TXN2: variants seen among roughly 807,000 people sequenced by gnomAD.
TXN2 encodes thioredoxin 2, also known as thioredoxin, mitochondrial.
TXN2 carries 12 observed loss-of-function variants against 14.6 expected under a neutral mutation model. That is an observed-to-expected ratio of 0.82 (90% CI 0.53 to 1.33). The LOEUF (loss-of-function observed/expected upper bound fraction) is 1.33. Ranked by LOEUF, TXN2 falls within the 40% of genes most tolerant of loss-of-function variation. The pLI is 0.00. For missense variants in TXN2, 173 were observed against 207.7 expected (o/e 0.83, Z 1.03); for synonymous variants, 89 against 81.0 (o/e 1.10, Z -0.53).
rs1933239105 is a variant in TXN2 at position 36,469,942 on chromosome 22, C to A, written c.388-2025G>T. ...TTGCATTCCAGCCTGGGCGACAGAG[C>A]AAGACTCTGTTCCCCCCCTCAAAAT... On this transcript the variant is annotated intron_variant, in intron 3 of 3. Coordinates refer to ENST00000216185, the MANE Select transcript of TXN2 (RefSeq NM_012473.4). Among the ~76,000 whole-genome samples, 3 of 152,216 alleles carry A rather than the reference C, an allele frequency of 2.0e-5. No individual in the cohort carries two copies. The South Asian group carries it at 6.2e-4, about 32-fold the overall frequency.
intron 3 of TXN2, among the ~76,000 whole-genome samples, chr22:36,474,588 T>C (rs911606023): frequency 6.6e-6 from 1 of 152,192 alleles, no homozygotes; most frequent in African/African-American, 2.4e-5. Context: ...GGTTAAGATA[T>C]TTCAAGAAAA....
At chr22:36,478,886 G>A (rs892854442) in intron 2 of TXN2, among the ~76,000 whole-genome samples, 2 of 152,146 alleles carry the variant, frequency 1.3e-5, no homozygotes, top group Admixed American at 6.6e-5. Context: ...CTCGGGAGGT[G>A]GAGGTTGCAG....
chr22:36,479,150 A>C (rs1339040006), intron 2 of TXN2, among the ~76,000 whole-genome samples: 2 of 152,084 alleles, frequency 1.3e-5, no homozygotes, highest in Non-Finnish European at 2.9e-5. Flanking sequence ...AAGAAAAACA[A>C]AAACAACTCA....
intron 3 of TXN2, among the ~76,000 whole-genome samples, chr22:36,470,753 T>C (rs1223523445): frequency 3.5e-5 from 5 of 143,596 alleles, no homozygotes; most frequent in Non-Finnish European, 6.0e-5. Context: ...CTGGGCAACA[T>C]AGCAAGACGT....
rs1933481447 is a variant in TXN2 at position 36,480,677 on chromosome 22, G to A, written c.161C>T (p.Thr54Ile). The change falls in exon 2 of 4, where the codon ACC (threonine) becomes ATC (isoleucine). Residue 54 changes from threonine (T) to isoleucine (I), a missense_variant. Thr to Ile is a moderately conservative substitution (Grantham distance 89). Coordinates refer to ENST00000216185, the MANE Select transcript of TXN2 (RefSeq NM_012473.4). ...VTPNPARTIY[T>I]TRISLTTFNI... ...AAAGGTTGTCAAGGAGATCCTCGTGGTGTATATTGTCCGGGCTGGGTTGGG... is the reference window on the plus strand; with the variant it reads ...AAAGGTTGTCAAGGAGATCCTCGTGATGTATATTGTCCGGGCTGGGTTGGG... 2.5e-6 allele frequency: 4 copies of A among 1,614,070 alleles called. No individual in the cohort carries two copies. The highest frequency in any genetic ancestry group is 3.4e-6 in the Non-Finnish European group (4 of 1,180,056).
chr22:36,474,284 G>A (rs1271389015), intron 3 of TXN2, among the ~76,000 whole-genome samples: 4 of 152,152 alleles, frequency 2.6e-5, no homozygotes, highest in Non-Finnish European at 5.9e-5. Context: ...TGGCCACCGT[G>A]TTTGTCTGCC....
In TXN2 at chr22:36,467,617, G is replaced by A; in HGVS notation, c.*187C>T. ...GACAGCGGTCCCCGGATCAGCAGCA[G>A]CACCACCATCCTCTGATGGCCCCTG... On this transcript the variant is annotated 3_prime_UTR_variant, in exon 4 of 4. Transcript: ENST00000216185. 2 of 589,450 alleles carry A rather than the reference G, an allele frequency of 3.4e-6. No homozygotes were observed. The highest frequency in any genetic ancestry group is 3.9e-5 in the South Asian group (2 of 51,682). The allele number at this position is 589,450 out of a possible 1,614,324, so 36.5% of individuals were successfully genotyped here.
At chr22:36,480,935 G>A in intron 1 of TXN2, 98 bp from the exon 2 acceptor site, 1 of 1,323,670 alleles carries the variant, frequency 7.6e-7, no homozygotes, top group Non-Finnish European at 1.0e-6. Flanking sequence ...AAGAGGCAGA[G>A]TTGGAAGCAA....
At chr22:36,475,043 A>G (rs1277512955) in intron 3 of TXN2, among the ~76,000 whole-genome samples, 5 of 152,072 alleles carry the variant, frequency 3.3e-5, no homozygotes, top group East Asian at 1.9e-4. Context: ...TTTTTGCCCA[A>G]AGGTCAGCTT....
intron 3 of TXN2, among the ~76,000 whole-genome samples, chr22:36,475,533 T>C (rs1413604257): frequency 1.3e-5 from 2 of 152,246 alleles, no homozygotes; most frequent in Non-Finnish European, 2.9e-5. Context: ...TAAAGTTTTA[T>C]TGTAACACAG....
Position 36,480,573 on chromosome 22 carries a change from A to C in TXN2, c.263+2T>G. The C allele has an allele frequency of 1.2e-6, 2 of 1,612,732 alleles. No individual in the cohort carries two copies. Among genetic ancestry groups the C allele is most frequent in the Non-Finnish European group, 1.7e-6 (2 of 1,179,466 alleles). On this transcript the variant is annotated splice_donor_variant, in intron 2 of 3. Coordinates refer to ENST00000216185, the MANE Select transcript of TXN2 (RefSeq NM_012473.4). LOFTEE classifies it high-confidence loss of function. ...AGTCTTCTGTGGACCCCCAATACTC[A>C]CTGTGCGTGGAAATCCACAACCACT...
At chr22:36,476,918 C>CT in intron 2 of TXN2, 62 bp from the exon 3 acceptor site, 1 of 1,598,706 alleles carries the variant, frequency 6.3e-7, no homozygotes, top group Non-Finnish European at 8.5e-7. Flanking sequence ...CCCCTACTGG[C>CT]TTCCCAGACC....
At chr22:36,477,176 A>G (rs1379974953) in intron 2 of TXN2, among the ~76,000 whole-genome samples, 1 of 152,158 alleles carries the variant, frequency 6.6e-6, no homozygotes, top group Non-Finnish European at 1.5e-5. Flanking sequence ...GAGGCTTCTC[A>G]CCAACCAGCT....
chr22:36,473,770 A>C (rs928461408), intron 3 of TXN2, among the ~76,000 whole-genome samples: 4 of 152,024 alleles, frequency 2.6e-5, no homozygotes, highest in Admixed American at 6.6e-5. Flanking sequence ...GATTGAGAGG[A>C]TTCCACAGGA....
chr22:36,480,929 G>A, intron 1 of TXN2, 92 bp from the exon 2 acceptor site: 1 of 1,376,794 alleles, frequency 7.3e-7, no homozygotes, highest in Non-Finnish European at 9.6e-7. Flanking sequence ...CTCAGGAAGA[G>A]GCAGAGTTGG....
intron 1 of TXN2, 87 bp downstream of exon 1, chr22:36,481,477 C>T (rs1933501641): frequency 1.4e-6 from 1 of 694,598 alleles, no homozygotes; most frequent in Non-Finnish European, 1.8e-6. Flanking sequence ...ATCCCCCCGC[C>T]CGCCCGGCCG....
At chr22:36,471,372 C>T (rs773159802) in intron 3 of TXN2, among the ~76,000 whole-genome samples, 6 of 152,146 alleles carry the variant, frequency 3.9e-5, no homozygotes, top group East Asian at 1.9e-4. Context: ...TCGCCTGCAC[C>T]GCCACTGAGC....
intron 3 of TXN2, among the ~76,000 whole-genome samples, chr22:36,471,823 G>A (rs925328818): frequency 3.9e-5 from 6 of 152,140 alleles, no homozygotes; most frequent in African/African-American, 1.2e-4. Context: ...ACAAAAATTA[G>A]GCCGGGCGTG....
intron 2 of TXN2, 84 bp downstream of exon 2, chr22:36,480,491 G>A: frequency 6.5e-7 from 1 of 1,540,618 alleles, no homozygotes; most frequent in Non-Finnish European, 8.8e-7. Flanking sequence ...GAGCAGCATA[G>A]AACATGGCCG....
Sources: allele counts gnomAD v4.1 joint callset (sites outside exome capture counted in the v4.1 genomes callset), GRCh38; gene constraint gnomAD v4.1.1; transcripts MANE v1.5; gene names NCBI Gene and HGNC (gene_info 2026-07-23, HGNC 2026-07-21).